Variants in IPCEF1 observed in about 807,000 individuals in gnomAD.
The protein encoded by IPCEF1 is interaction protein for cytohesin exchange factors 1.
A neutral mutation model predicts 50.9 loss-of-function variants in IPCEF1; 31 were observed. The ratio of observed to expected loss-of-function variants is 0.61; its 90% confidence interval spans 0.46 to 0.82. The LOEUF is 0.82. IPCEF1 is among the 40% of genes least tolerant of loss of function. The pLI, the probability that IPCEF1 is intolerant of heterozygous loss-of-function variation, is 0.00. For missense variants in IPCEF1, 458 were observed against 514.0 expected (o/e 0.89, Z 1.05); for synonymous variants, 181 against 192.0 (o/e 0.94, Z 0.47).
chr6:154,338,478 T>C (rs1484786630), intron 1 of IPCEF1, among the ~76,000 whole-genome samples: 1 of 152,176 alleles, frequency 6.6e-6, no homozygotes, highest in East Asian at 1.9e-4. Context: ...AAAATGAGCA[T>C]ATGTTTGAAA....
intron 11 of IPCEF1, among the ~76,000 whole-genome samples, chr6:154,161,682 A>G (rs1018869684): frequency 6.6e-6 from 1 of 152,192 alleles, no homozygotes; most frequent in Non-Finnish European, 1.5e-5. Context: ...ATTTACGGGT[A>G]AGTCATGGCC....
intron 5 of IPCEF1, among the ~76,000 whole-genome samples, chr6:154,245,946 C>T (rs555401023): frequency 5.3e-5 from 8 of 152,114 alleles, no homozygotes; most frequent in Non-Finnish European, 1.0e-4. Flanking sequence ...AACAGTATAC[C>T]GACTTTTTAA....
chr6:154,208,452 A>C (rs527650349), intron 9 of IPCEF1, among the ~76,000 whole-genome samples: 34 of 152,000 alleles, frequency 2.2e-4, no homozygotes, highest in Middle Eastern at 3.4e-3. Context: ...TCACATCCTG[A>C]CTCACTGGAC....
chr6:154,168,038 A>G lies in IPCEF1; in HGVS notation c.986T>C (p.Leu329Pro), dbSNP rs755341659. Residue 329 changes from leucine to proline, a missense_variant, in exon 11 of 12, where the codon CTT (leucine) becomes CCT (proline). Leu to Pro is a moderately conservative substitution (Grantham distance 98). Coordinates refer to ENST00000367220, the MANE Select transcript of IPCEF1 (RefSeq NM_001130700.2). The surrounding 1 kb of genome is among the most constrained non-coding windows in gnomAD (Gnocchi z 4.1). The part of the protein sequence containing the change: ...KSLEQASLSP[L>P]GDRRPSTKKE... ...TTTAGTCGAAGGTCGTCGGTCCCCA[A>G]GAGGAGATAGACTAGCTTGCTCTAA... The G allele has an allele frequency of 6.2e-7, 1 of 1,611,144 alleles. No homozygotes were observed. The highest frequency in any genetic ancestry group is 1.1e-5 in the South Asian group (1 of 90,808).
chr6:154,237,813 C>T (rs1269725484), intron 5 of IPCEF1, among the ~76,000 whole-genome samples: 1 of 152,062 alleles, frequency 6.6e-6, no homozygotes, highest in Non-Finnish European at 1.5e-5. Context: ...TATGTTTATA[C>T]ACATGCATAT....
chr6:154,253,193 T>TTTG (rs983499713), intron 3 of IPCEF1, among the ~76,000 whole-genome samples: 6 of 152,108 alleles, frequency 3.9e-5, no homozygotes, highest in African/African-American at 9.7e-5. Flanking sequence ...CCTTGCTTTT[T>TTTG]TTGTTGTTGT....
At chr6:154,355,248 C>T (rs1784196381) in intron 1 of IPCEF1, among the ~76,000 whole-genome samples, 1 of 152,168 alleles carries the variant, frequency 6.6e-6, no homozygotes. Context: ...AAAGAACTTC[C>T]TATTTCCATA....
intron 1 of IPCEF1, among the ~76,000 whole-genome samples, chr6:154,351,186 G>T (rs1240566655): frequency 6.6e-6 from 1 of 152,094 alleles, no homozygotes; most frequent in Admixed American, 6.6e-5. Flanking sequence ...CTAATAGAAG[G>T]CCCCATCAAT....
intron 10 of IPCEF1, among the ~76,000 whole-genome samples, chr6:154,176,515 C>T (rs749388023): frequency 3.3e-5 from 5 of 152,116 alleles, no homozygotes; most frequent in Non-Finnish European, 7.4e-5. Flanking sequence ...CACAAGCATT[C>T]CAATACACCA....
rs1275948272 is a variant in IPCEF1, at chr6:154,305,156, G to A, written c.-61-15400C>T. Among the ~76,000 whole-genome samples the A allele has an allele frequency of 6.8e-5, 9 of 131,668 alleles. 1 individual carries two copies. In the East Asian group the frequency reaches 2.1e-3, roughly 30 times the overall value. 86.4% of individuals were successfully genotyped at this position (131,668 alleles called of 152,430 possible). Reference sequence around the variant, plus strand: ...AAGAAAAGAAAGAAAGAAAATATGTGAGAAGACTGTGCCTCCTTGCTGTTA... The same window carrying A: ...AAGAAAAGAAAGAAAGAAAATATGTAAGAAGACTGTGCCTCCTTGCTGTTA... On this transcript the variant is annotated intron_variant, in intron 1 of 11. Transcript: ENST00000367220.
chr6:154,355,410 A>G (rs1233866972), intron 1 of IPCEF1, among the ~76,000 whole-genome samples: 1 of 152,118 alleles, frequency 6.6e-6, no homozygotes, highest in African/African-American at 2.4e-5. Flanking sequence ...ACACAAACTT[A>G]CACCCTTTTC....
intron 1 of IPCEF1, among the ~76,000 whole-genome samples, chr6:154,305,459 A>C (rs996610158): frequency 6.6e-6 from 1 of 152,184 alleles, no homozygotes; most frequent in Non-Finnish European, 1.5e-5. Context: ...TCCTACATAC[A>C]CAAGCATATA....
intron 1 of IPCEF1, among the ~76,000 whole-genome samples, chr6:154,292,169 T>TC (rs1217662749): frequency 1.3e-5 from 2 of 152,152 alleles, no homozygotes; most frequent in Non-Finnish European, 2.9e-5. Flanking sequence ...TTTTGTAGAG[T>TC]CCAGGCCAGT....
At position 154,156,150 on chromosome 6, in the gene IPCEF1, G is replaced by A. The variant is rs966252751; in HGVS notation, c.*3678C>T. The stretch of plus-strand genomic sequence containing the variant: ...GTCTAATGTACAGAAAGAAAAGAAA[G>A]GAAACACAGCATGATTAGGTGAAAC... On this transcript the variant is annotated 3_prime_UTR_variant, in exon 12 of 12. Transcript: ENST00000367220. The A allele has an allele frequency of 2.6e-5, 4 of 152,232 alleles. No individual in the cohort carries two copies. Among genetic ancestry groups the A allele is most frequent in the Non-Finnish European group, 5.9e-5 (4 of 68,076 alleles). 9.4% of individuals were successfully genotyped at this position (152,232 alleles called of 1,614,324 possible). A position where few individuals can be genotyped will look rare whatever the true frequency, so the allele number is the denominator to read the frequency against.
In IPCEF1 at chr6:154,287,466, C is replaced by T. The variant is rs1782392978; in HGVS notation, c.-18+2247G>A. On this transcript the variant is annotated intron_variant, in intron 2 of 11. Transcript: ENST00000367220. ...ATATTAACTCATTAAATCCTTACAC[C>T]AGCTATGGGTGCTATTACTGTCTCC... Among the ~76,000 whole-genome samples, 3 of 152,138 alleles carry T rather than the reference C, an allele frequency of 2.0e-5. 1 individual carries two copies. The highest frequency in any genetic ancestry group is 4.1e-4 in the South Asian group (2 of 4,826).
chr6:154,222,055 A>G (rs1424415935), intron 6 of IPCEF1, among the ~76,000 whole-genome samples: 1 of 152,224 alleles, frequency 6.6e-6, no homozygotes, highest in Non-Finnish European at 1.5e-5. Flanking sequence ...AAATATACAG[A>G]AGAATTTTTA....
chr6:154,267,488 C>G (rs1019498851), intron 2 of IPCEF1, among the ~76,000 whole-genome samples: 3 of 152,126 alleles, frequency 2.0e-5, no homozygotes, highest in African/African-American at 4.8e-5. Context: ...GTTACAGGAT[C>G]TTTGGGTTGT....
At chr6:154,176,300 A>G (rs562708639) in intron 10 of IPCEF1, among the ~76,000 whole-genome samples, 2 of 152,358 alleles carry the variant, frequency 1.3e-5, no homozygotes, top group East Asian at 3.9e-4. Flanking sequence ...CCCATTCAAC[A>G]TAGTAATGGA....
intron 2 of IPCEF1, among the ~76,000 whole-genome samples, chr6:154,273,701 T>TTTTTC (rs1491413417): frequency 0.14 from 4,096 of 29,040 alleles, 540 homozygotes; most frequent in African/African-American, 0.29. Context: ...AGCTTTTTTC[T>TTTTTC]TTTTTTCTTT....
Sources: gnomAD v4.1 joint callset for allele counts (sites outside exome capture counted in the v4.1 genomes callset) on GRCh38, gnomAD v4.1.1 for gene constraint, Gnocchi (gnomAD v3.1) non-coding constraint, MANE v1.5 for transcripts, NCBI Gene and HGNC (gene_info 2026-07-23, HGNC 2026-07-21) for gene names.